The following ERN1 variants were observed in gnomAD, a reference collection of about 807,000 sequenced individuals.
The protein encoded by ERN1 is serine/threonine-protein kinase/endoribonuclease IRE1.
Under a neutral mutation model 113.1 loss-of-function variants are expected in ERN1, and 39 were observed. The ratio of observed to expected loss-of-function variants is 0.34; its 90% confidence interval spans 0.27 to 0.45. The LOEUF is 0.45. ERN1 is among the 20% of genes least tolerant of loss of function. ERN1 has a pLI of 1.00. For missense variants in ERN1, 976 were observed against 1,274.8 expected (o/e 0.77, Z 3.57); for synonymous variants, 507 against 515.9 (o/e 0.98, Z 0.23).
At chr17:64,114,265 G>A (rs146692746) in intron 1 of ERN1, among the ~76,000 whole-genome samples, 2 of 152,238 alleles carry the variant, frequency 1.3e-5, no homozygotes, top group Middle Eastern at 3.4e-3. Flanking sequence ...CAGTCCAATA[G>A]GAGACCCCAG....
intron 1 of ERN1, among the ~76,000 whole-genome samples, chr17:64,098,744 A>G (rs1190833583): frequency 6.6e-6 from 1 of 152,200 alleles, no homozygotes; most frequent in Non-Finnish European, 1.5e-5. Context: ...AAACACTAAG[A>G]TTCCAGTAAA....
At chr17:64,124,447 C>T (rs1250059875) in intron 1 of ERN1, among the ~76,000 whole-genome samples, 1 of 152,128 alleles carries the variant, frequency 6.6e-6, no homozygotes, top group Non-Finnish European at 1.5e-5. Context: ...GTTGGAGGGA[C>T]CCCGTGGGAG....
chr17:64,086,558 G>C (rs1913930042), intron 2 of ERN1, among the ~76,000 whole-genome samples: 1 of 149,458 alleles, frequency 6.7e-6, no homozygotes, highest in Non-Finnish European at 1.5e-5. Flanking sequence ...CTTGGCTGGT[G>C]TGAATAAAGC....
intron 1 of ERN1, among the ~76,000 whole-genome samples, chr17:64,125,882 G>A (rs1022929959): frequency 6.6e-6 from 1 of 152,158 alleles, no homozygotes; most frequent in Non-Finnish European, 1.5e-5. Flanking sequence ...TTTCTACCGG[G>A]TTACAGAAGA....
chr17:64,052,095 G>A (rs1270313192), intron 17 of ERN1, among the ~76,000 whole-genome samples: 1 of 152,220 alleles, frequency 6.6e-6, no homozygotes, highest in Admixed American at 6.5e-5. Flanking sequence ...GCCAGATGCT[G>A]TGGCTCATGT....
intron 12 of ERN1, 55 bp downstream of exon 12, chr17:64,057,723 TGGATCTCACTGACATGAGGCGACA>T: frequency 7.5e-7 from 1 of 1,336,992 alleles, no homozygotes; most frequent in Non-Finnish European, 1.1e-6. Flanking sequence ...TGTTTTTGTC[TGGATCTCACTGACATGAGGCGACA>T]GGCAGAGAAG....
chr17:64,121,337 C>T lies in ERN1; in HGVS notation c.54+8639G>A, dbSNP rs1004829877. On this transcript the variant is annotated intron_variant, in intron 1 of 21. Coordinates refer to ENST00000433197, the MANE Select transcript of ERN1 (RefSeq NM_001433.5). ...AGGCTGTGACTGAGCTAGAGAAGAG[C>T]GGCTTGGGTTAAAGGCCTCTAAGGA... Among the ~76,000 whole-genome samples, 8 of 152,186 alleles carry T rather than the reference C, an allele frequency of 5.3e-5. No homozygotes were observed. The East Asian group carries it at 5.8e-4, about 11-fold the overall frequency.
Position 64,044,926 on chromosome 17 carries a change from G to T in ERN1, c.2655C>A (p.Asp885Glu). 1.9e-6 allele frequency: 3 copies of T among 1,586,464 alleles called. No individual in the cohort carries two copies. Among genetic ancestry groups the T allele is most frequent in the Non-Finnish European group, 2.6e-6 (3 of 1,164,254 alleles). Residue 885 changes from aspartate (D) to glutamate (E), a missense_variant and splice_region_variant, in exon 21 of 22, where the codon GAC becomes GAA. By Grantham distance (45) the Asp-to-Glu change is conservative. Coordinates refer to ENST00000433197, the MANE Select transcript of ERN1 (RefSeq NM_001433.5). This position sits in a 1 kb window ranked among gnomAD's most constrained non-coding sequence, Gnocchi z 4.1. ...CTTTATAGGTCCTGAATTTACGCAG[G>T]TCTAGAAAAACATTGAGGGAAGCAA... ...RENITVPLQTDLRKFRTYKGG... is the reference protein window; with the variant it reads ...RENITVPLQTELRKFRTYKGG...
At chr17:64,128,507 T>C (rs895349247) in intron 1 of ERN1, among the ~76,000 whole-genome samples, 1 of 152,138 alleles carries the variant, frequency 6.6e-6, no homozygotes, top group Admixed American at 6.5e-5. Context: ...AACCAAACAC[T>C]AGAATCCAGT....
At chr17:64,129,684 C>T in intron 1 of ERN1, 1 of 374,038 alleles carries the variant, frequency 2.7e-6, no homozygotes. Flanking sequence ...CACGAAGTTG[C>T]GCCCGAGCCC....
intron 1 of ERN1, among the ~76,000 whole-genome samples, chr17:64,116,961 A>C (rs1342589684): frequency 6.6e-6 from 1 of 151,290 alleles, no homozygotes; most frequent in Admixed American, 6.6e-5. Flanking sequence ...AAAAAAAAAA[A>C]AAAAGCCAGG....
rs537960399 is a variant in ERN1, at chr17:64,087,887, TC to T, written c.176-7080del. Among the ~76,000 whole-genome samples the T allele has an allele frequency of 2.4e-3, 365 of 152,230 alleles. 1 individual carries two copies. The highest frequency in any genetic ancestry group is 6.8e-3 in the Middle Eastern group (2 of 294). The stretch of plus-strand genomic sequence containing the variant: ...AGCATGAAGGACCCTGTCAGGACCA[TC>T]CCAGGCTTCCCTAAATGCAGGGCTG... On this transcript the variant is annotated intron_variant, in intron 2 of 21. Transcript: ENST00000433197.
chr17:64,082,323 G>A (rs550795957), intron 2 of ERN1, among the ~76,000 whole-genome samples: 5 of 152,074 alleles, frequency 3.3e-5, no homozygotes, highest in African/African-American at 7.2e-5. Context: ...ATCACCTCTC[G>A]GTACACTCTC....
chr17:64,104,411 C>A (rs1218609355), intron 1 of ERN1, among the ~76,000 whole-genome samples: 1 of 152,132 alleles, frequency 6.6e-6, no homozygotes, highest in Non-Finnish European at 1.5e-5. Context: ...CGTGTGAAAG[C>A]TGAATGTTCC....
At position 64,072,013 on chromosome 17, in the gene ERN1, G is replaced by A. The variant is rs1011471053; in HGVS notation, c.446C>T (p.Pro149Leu). The A allele has an allele frequency of 1.3e-6, 2 of 1,588,496 alleles. No homozygotes were observed. The highest frequency in any genetic ancestry group is 1.7e-6 in the Non-Finnish European group (2 of 1,166,606). ...LSSAFADSLC[P>L]STSLLYLGRT... ...CCCAAGATACAGAAGAGAGGTTGAT[G>A]GGCAGAGACTATCTGCAAAGGCCGA... The change falls in exon 6 of 22, where the codon CCA (proline) becomes CTA (leucine). Residue 149 changes from proline to leucine, a missense_variant. Pro to Leu is a moderately conservative substitution (Grantham distance 98). This residue lies in a region of ERN1 where 459 missense variants were observed against 581.2 expected (regional missense o/e 0.79). Transcript: ENST00000433197.
chr17:64,044,791 G>T lies in ERN1; in HGVS notation c.2721+69C>A. ...TACAGATAAAAGATTTATAAAGAAT[G>T]GATGAAAGGAGGAAGGTGTCCATGT... On this transcript the variant is annotated intron_variant, in intron 21 of 21. Coordinates refer to ENST00000433197, the MANE Select transcript of ERN1 (RefSeq NM_001433.5). The surrounding 1 kb of genome is among the most constrained non-coding windows in gnomAD (Gnocchi z 4.1). The T allele has an allele frequency of 1.0e-6, 1 of 1,002,098 alleles. No individual in the cohort carries two copies. Among genetic ancestry groups the T allele is most frequent in the Non-Finnish European group, 1.5e-6 (1 of 646,600 alleles). The allele number at this position is 1,002,098 out of a possible 1,614,324, so 62.1% of individuals were successfully genotyped here. A position where few individuals can be genotyped will look rare whatever the true frequency, so the allele number is the denominator to read the frequency against.
chr17:64,089,015 C>G (rs537610009), intron 2 of ERN1, among the ~76,000 whole-genome samples: 1 of 152,124 alleles, frequency 6.6e-6, no homozygotes, highest in Admixed American at 6.5e-5. Context: ...CAACTGGAAG[C>G]CTCTGAGAAA....
In ERN1 at chr17:64,049,715, G is replaced by C. The variant is rs1337738861; in HGVS notation, c.2254-513C>G. The stretch of plus-strand genomic sequence containing the variant: ...TATGATTCAAAAACAGCCCTAGAAA[G>C]AAACTATCTGACAAGTTACCAAGGA... On this transcript the variant is annotated intron_variant, in intron 17 of 21. Coordinates refer to ENST00000433197, the MANE Select transcript of ERN1 (RefSeq NM_001433.5). This position sits in a 1 kb window ranked among gnomAD's most constrained non-coding sequence, Gnocchi z 4.7. Among the ~76,000 whole-genome samples, 2 of 152,150 alleles carry C rather than the reference G, an allele frequency of 1.3e-5. No individual in the cohort carries two copies. Among genetic ancestry groups the C allele is most frequent in the African/African-American group, 2.4e-5 (1 of 41,416 alleles).
Position 64,063,859 on chromosome 17 carries a change from C to T in ERN1, c.1087+127G>A. The T allele has an allele frequency of 1.3e-6, 1 of 799,622 alleles. No homozygotes were observed. Among genetic ancestry groups the T allele is most frequent in the Non-Finnish European group, 2.0e-6 (1 of 506,806 alleles). 49.5% of individuals were successfully genotyped at this position (799,622 alleles called of 1,614,324 possible). ...TAAAAATGTCCCAAGGTCTCAGGGG[C>T]CAGCCGGGAAGGGCTCTGAGCACAA... On this transcript the variant is annotated intron_variant, in intron 10 of 21. Transcript: ENST00000433197. This position sits in a 1 kb window ranked among gnomAD's most constrained non-coding sequence, Gnocchi z 5.1.
Sources: allele counts gnomAD v4.1 joint callset (sites outside exome capture counted in the v4.1 genomes callset), GRCh38; gene constraint gnomAD v4.1.1; regional missense constraint gnomAD v4.1.1; non-coding constraint Gnocchi (gnomAD v3.1); transcripts MANE v1.5; gene names NCBI Gene and HGNC (gene_info 2026-07-23, HGNC 2026-07-21).